Variants in KCNMB4 observed in about 807,000 individuals in gnomAD.
KCNMB4 encodes the protein potassium calcium-activated channel subfamily M regulatory beta subunit 4, also known as calcium-activated potassium channel subunit beta-4.
A neutral mutation model predicts 20.7 loss-of-function variants in KCNMB4; 3 were observed. The ratio of observed to expected loss-of-function variants is 0.14; its 90% CI spans 0.07 to 0.37. KCNMB4 has a LOEUF of 0.37. KCNMB4 is among the 10% of genes least tolerant of loss of function. The probability of loss-of-function intolerance (pLI) is 1.00; values close to 1 mark genes in which losing one functional copy is unlikely to be tolerated. For missense variants in KCNMB4, 168 were observed against 265.9 expected (o/e 0.63, Z 2.56); for synonymous variants, 110 against 113.4 (o/e 0.97, Z 0.19).
chr12:70,390,149 C>T (rs1381998762), intron 1 of KCNMB4, among the ~76,000 whole-genome samples: 1 of 152,168 alleles, frequency 6.6e-6, no homozygotes, highest in Non-Finnish European at 1.5e-5. Flanking sequence ...TAAGAACCTC[C>T]TGGCACACTG....
chr12:70,401,656 G>C lies in KCNMB4; in HGVS notation c.464+1320G>C, dbSNP rs1191729191. ...TGACACTTTTTTTTTTTTTTTTTAT[G>C]ATTCTGTGGGTTGGCTGTGCTCATT... On this transcript the variant is annotated intron_variant, in intron 2 of 2. Coordinates refer to ENST00000258111, the MANE Select transcript of KCNMB4 (RefSeq NM_014505.6). Among the ~76,000 whole-genome samples, 18 of 114,954 alleles carry C rather than the reference G, an allele frequency of 1.6e-4. No homozygotes were observed. In the Admixed American group the frequency reaches 1.6e-3, roughly 10 times the overall value. The allele number at this position is 114,954 out of a possible 152,430, so 75.4% of individuals were successfully genotyped here.
intron 1 of KCNMB4, among the ~76,000 whole-genome samples, chr12:70,384,023 C>A (rs551553094): frequency 6.6e-6 from 1 of 152,104 alleles, no homozygotes; most frequent in Non-Finnish European, 1.5e-5. Flanking sequence ...GAGCCGAGAC[C>A]GTGCCACTGC....
At chr12:70,377,916 C>T (rs968845056) in intron 1 of KCNMB4, among the ~76,000 whole-genome samples, 1 of 151,584 alleles carries the variant, frequency 6.6e-6, no homozygotes, top group Non-Finnish European at 1.5e-5. Flanking sequence ...TCAAGCTATA[C>T]TTCTAATTCT....
chr12:70,413,304 A>C lies in KCNMB4; in HGVS notation c.464+12968A>C, dbSNP rs74548717. 4.4e-3 allele frequency among the ~76,000 whole-genome samples: 676 copies of C among 152,282 alleles called. 1 individual carries two copies. Among genetic ancestry groups the C allele is most frequent in the Non-Finnish European group, 7.2e-3 (491 of 68,022 alleles). ...AACAGCTTTTATCATCGTGGCATTA[A>C]AGTTAAGAATTTGATGTTATTAAAT... is the stretch of plus-strand genomic sequence containing the variant. On this transcript the variant is annotated intron_variant, in intron 2 of 2. Transcript: ENST00000258111.
At chr12:70,382,537 T>C (rs1394936533) in intron 1 of KCNMB4, among the ~76,000 whole-genome samples, 2 of 151,352 alleles carry the variant, frequency 1.3e-5, no homozygotes, top group African/African-American at 4.9e-5. Context: ...ATATTGTATA[T>C]ATGGGGTGGG....
chr12:70,414,955 A>G (rs1246698298), intron 2 of KCNMB4, among the ~76,000 whole-genome samples: 1 of 152,222 alleles, frequency 6.6e-6, no homozygotes, highest in African/African-American at 2.4e-5. Flanking sequence ...GTAAGTCAAA[A>G]TGGCTTTGAT....
At chr12:70,382,168 G>A (rs534186486) in intron 1 of KCNMB4, among the ~76,000 whole-genome samples, 41 of 152,098 alleles carry the variant, frequency 2.7e-4, no homozygotes, top group Non-Finnish European at 4.6e-4. Flanking sequence ...AAAGGTGGCC[G>A]GGCGCGGTGG....
At chr12:70,407,675 G>A (rs1269315657) in intron 2 of KCNMB4, among the ~76,000 whole-genome samples, 4 of 151,636 alleles carry the variant, frequency 2.6e-5, no homozygotes, top group African/African-American at 9.7e-5. Flanking sequence ...CACCGTGTTA[G>A]CCAGGATGGT....
Position 70,367,004 on chromosome 12 carries a change from C to T in KCNMB4, c.270C>T (p.Asn90=), listed in dbSNP as rs779568548. 17 of 1,600,190 alleles carry T rather than the reference C, an allele frequency of 1.1e-5. No individual in the cohort carries two copies. Among genetic ancestry groups the T allele is most frequent in the African/African-American group, 2.7e-5 (2 of 74,740 alleles). The stretch of plus-strand genomic sequence containing the variant: ...ACCCCTGCGTCCAGGTCTACGTGAA[C>T]AACTCTGAGTCCAACTCTAGGGCGC... ...SQYPCVQVYV[N]NSESNSRALL... Residue 90 remains asparagine, a synonymous_variant, in exon 1 of 3, where the codon AAC becomes AAT. Transcript: ENST00000258111.
intron 1 of KCNMB4, among the ~76,000 whole-genome samples, chr12:70,399,552 TA>T (rs1448354051): frequency 1.3e-5 from 2 of 152,248 alleles, no homozygotes; most frequent in African/African-American, 2.4e-5. Flanking sequence ...GAGTTCATTT[TA>T]ACATCTGGAC....
intron 1 of KCNMB4, among the ~76,000 whole-genome samples, chr12:70,397,637 CT>C (rs1868366589): frequency 1.3e-5 from 2 of 152,112 alleles, no homozygotes; most frequent in Admixed American, 6.6e-5. Context: ...AGTTTTTGAC[CT>C]TTTCAGAAGC....
chr12:70,429,805 G>A (rs1335496812), intron 2 of KCNMB4, among the ~76,000 whole-genome samples: 2 of 151,984 alleles, frequency 1.3e-5, no homozygotes, highest in Non-Finnish European at 2.9e-5. Flanking sequence ...GAAAAATAGA[G>A]CCTCACATTG....
At position 70,370,299 on chromosome 12, in the gene KCNMB4, T is replaced by TTTTTTTTG. The variant is rs1303874934; in HGVS notation, c.336+3245_336+3252dup. Among the ~76,000 whole-genome samples the TTTTTTTTG allele has an allele frequency of 3.2e-5, 3 of 94,062 alleles. No homozygotes were observed. The Admixed American group carries it at 3.6e-4, about 11-fold the overall frequency. The allele number at this position is 94,062 out of a possible 152,430, so 61.7% of individuals were successfully genotyped here. A position where few individuals can be genotyped will look rare whatever the true frequency, so the allele number is the denominator to read the frequency against. On this transcript the variant is annotated intron_variant, in intron 1 of 2. Transcript: ENST00000258111. ...TTGTTGGTGCTACTGAATTTTTTGT[T>TTTTTTTTG]TTTTTTTGTTTTTTTGTTTTTTTTT...
intron 2 of KCNMB4, among the ~76,000 whole-genome samples, chr12:70,402,934 C>T (rs1448408812): frequency 6.6e-6 from 1 of 152,166 alleles, no homozygotes; most frequent in Non-Finnish European, 1.5e-5. Context: ...CCCATCTTCC[C>T]ACAGGCAACC....
chr12:70,391,746 C>T (rs1868301206), intron 1 of KCNMB4, among the ~76,000 whole-genome samples: 1 of 152,132 alleles, frequency 6.6e-6, no homozygotes, highest in Non-Finnish European at 1.5e-5. Flanking sequence ...TGTCTGGAGA[C>T]CAAGGATGAG....
chr12:70,379,368 A>G (rs934026978), intron 1 of KCNMB4, among the ~76,000 whole-genome samples: 7 of 152,330 alleles, frequency 4.6e-5, no homozygotes, highest in Admixed American at 1.3e-4. Context: ...TATCTAAGCT[A>G]GATCTTCTAG....
chr12:70,413,961 C>T (rs529983205), intron 2 of KCNMB4, among the ~76,000 whole-genome samples: 38 of 152,208 alleles, frequency 2.5e-4, no homozygotes, highest in East Asian at 7.7e-4. Flanking sequence ...GGGCTGGGTG[C>T]GGTGGCTCAC....
intron 1 of KCNMB4, among the ~76,000 whole-genome samples, chr12:70,390,991 T>C (rs1484198081): frequency 6.6e-6 from 1 of 152,190 alleles, no homozygotes; most frequent in Non-Finnish European, 1.5e-5. Flanking sequence ...TGGGAAAGGC[T>C]AGATTTTCAG....
rs183696550 is a variant in KCNMB4 at position 70,410,568 on chromosome 12, G to A, written c.464+10232G>A. ...GCAGCTTCTCCATCTTGGTTTCCTC[G>A]CCTGTAAAATGAGGATAGCATTACC... On this transcript the variant is annotated intron_variant, in intron 2 of 2. Transcript: ENST00000258111. Among the ~76,000 whole-genome samples the A allele has an allele frequency of 1.2e-3, 186 of 152,236 alleles. 1 individual carries two copies. Among genetic ancestry groups the A allele is most frequent in the African/African-American group, 4.2e-3 (174 of 41,540 alleles).
Sources: allele counts gnomAD v4.1 joint callset (sites outside exome capture counted in the v4.1 genomes callset), GRCh38; gene constraint gnomAD v4.1.1; transcripts MANE v1.5; gene names NCBI Gene and HGNC (gene_info 2026-07-23, HGNC 2026-07-21).